DIS3L2: variants seen among roughly 807,000 people sequenced by gnomAD.
DIS3L2 encodes DIS3-like exonuclease 2.
A neutral mutation model predicts 97.5 loss-of-function variants in DIS3L2; 34 were observed. That is an observed-to-expected ratio of 0.35 (90% CI 0.27 to 0.46). The LOEUF is 0.46. Ranked by LOEUF, DIS3L2 falls within the 20% of genes least tolerant of loss-of-function variation. DIS3L2 has a pLI of 1.00. For missense variants in DIS3L2, 1,038 were observed against 1,146.0 expected, an observed-to-expected ratio of 0.91 and a Z score of 1.36; for synonymous variants, 435 against 445.2, an observed-to-expected ratio of 0.98 and a Z score of 0.29.
At chr2:232,077,953 T>TTCTC (rs370262610) in intron 5 of DIS3L2, among the ~76,000 whole-genome samples, 7 of 137,198 alleles carry the variant, frequency 5.1e-5, no homozygotes, top group Non-Finnish European at 1.1e-4. Context: ...TTTTCTTTCT[T>TTCTC]TCTCTTTCTT....
intron 9 of DIS3L2, among the ~76,000 whole-genome samples, chr2:232,194,229 A>G (rs1024553208): frequency 6.6e-6 from 1 of 152,138 alleles, no homozygotes. Flanking sequence ...ATAGATATAT[A>G]TGCTGCTTCT....
intron 5 of DIS3L2, among the ~76,000 whole-genome samples, chr2:232,064,899 G>A (rs1188425317): frequency 6.6e-6 from 1 of 152,046 alleles, no homozygotes; most frequent in Non-Finnish European, 1.5e-5. Flanking sequence ...TTAATGAATT[G>A]TAAGAGTTCT....
intron 1 of DIS3L2, among the ~76,000 whole-genome samples, chr2:231,982,307 A>G (rs1356988952): frequency 2.0e-5 from 3 of 152,326 alleles, no homozygotes; most frequent in Middle Eastern, 3.4e-3. Flanking sequence ...TCTAGAATAC[A>G]CTTACTTACA....
At chr2:232,115,201 T>C (rs948945951) in intron 6 of DIS3L2, among the ~76,000 whole-genome samples, 13 of 152,030 alleles carry the variant, frequency 8.6e-5, no homozygotes, top group Admixed American at 7.9e-4. Context: ...GGGACAAATA[T>C]TCAAACCATA....
intron 9 of DIS3L2, among the ~76,000 whole-genome samples, chr2:232,181,440 C>T (rs1691266057): frequency 6.6e-6 from 1 of 152,144 alleles, no homozygotes; most frequent in Non-Finnish European, 1.5e-5. Context: ...CCATCACTTT[C>T]AGAGTGACAC....
intron 5 of DIS3L2, among the ~76,000 whole-genome samples, chr2:232,064,519 G>A (rs1355871611): frequency 6.6e-6 from 1 of 152,164 alleles, no homozygotes; most frequent in East Asian, 1.9e-4. Context: ...ATCATCGTAA[G>A]AACATATGCT....
intron 9 of DIS3L2, among the ~76,000 whole-genome samples, chr2:232,206,344 G>A (rs1692025486): frequency 6.6e-6 from 1 of 152,110 alleles, no homozygotes; most frequent in East Asian, 1.9e-4. Flanking sequence ...TAAAACAGGG[G>A]TCAGCAAACT....
intron 14 of DIS3L2, among the ~76,000 whole-genome samples, chr2:232,324,506 C>T (rs183576095): frequency 6.6e-6 from 1 of 152,252 alleles, no homozygotes; most frequent in African/African-American, 2.4e-5. Context: ...TCCTGCCCCT[C>T]TGCCCCGGCT....
intron 14 of DIS3L2, 28 bp from the exon 15 acceptor site, chr2:232,329,785 T>TCCCCGGGGGGGG: frequency 9.9e-5 from 96 of 967,078 alleles, no homozygotes; most frequent in East Asian, 1.2e-4. Context: ...ACCCCAGCGG[T>TCCCCGGGGGGGG]CCCTCCCATC....
At position 232,298,826 on chromosome 2, in the gene DIS3L2, G is replaced by C. The variant is rs757257993; in HGVS notation, c.1660-1214G>C. On this transcript the variant is annotated intron_variant, in intron 13 of 20. Coordinates refer to ENST00000325385, the MANE Select transcript of DIS3L2 (RefSeq NM_152383.5). ...ATGTTAAAGCTGTCATAACCAACTGGCTCTAGCAGGGCATGCTGCACCTCC... is the reference window on the plus strand; with the variant it reads ...ATGTTAAAGCTGTCATAACCAACTGCCTCTAGCAGGGCATGCTGCACCTCC... 1.0e-3 allele frequency among the ~76,000 whole-genome samples: 157 copies of C among 152,198 alleles called. 4 individuals are homozygous for C. The highest frequency in any genetic ancestry group is 2.8e-4 in the Non-Finnish European group (19 of 68,030).
chr2:232,251,882 AT>A (rs1156455217), intron 12 of DIS3L2, among the ~76,000 whole-genome samples: 2 of 152,240 alleles, frequency 1.3e-5, no homozygotes, highest in Non-Finnish European at 2.9e-5. Context: ...TTCAACAAAA[AT>A]GTCCATCTCA....
chr2:232,310,653 A>AGT (rs1695100556), intron 14 of DIS3L2, among the ~76,000 whole-genome samples: 1 of 152,242 alleles, frequency 6.6e-6, no homozygotes, highest in Admixed American at 6.5e-5. Flanking sequence ...AGAGAGAGAG[A>AGT]AACAGATGCC....
chr2:232,048,995 C>A (rs1340505694), intron 5 of DIS3L2, among the ~76,000 whole-genome samples: 1 of 152,028 alleles, frequency 6.6e-6, no homozygotes, highest in Non-Finnish European at 1.5e-5. Context: ...TATATAGACA[C>A]ATAGTTTAGT....
At chr2:232,183,066 G>A (rs1691336323) in intron 9 of DIS3L2, among the ~76,000 whole-genome samples, 1 of 152,078 alleles carries the variant, frequency 6.6e-6, no homozygotes, top group African/African-American at 2.4e-5. Context: ...CGGGATTAGT[G>A]CCCTTATAAA....
chr2:232,185,441 G>A (rs182289475), intron 9 of DIS3L2, among the ~76,000 whole-genome samples: 13 of 152,240 alleles, frequency 8.5e-5, no homozygotes, highest in Admixed American at 6.5e-4. Context: ...GTGAGATGTC[G>A]CTAAAGCAGT....
At chr2:232,064,151 G>C (rs1207484254) in intron 5 of DIS3L2, among the ~76,000 whole-genome samples, 1 of 152,030 alleles carries the variant, frequency 6.6e-6, no homozygotes, top group Admixed American at 6.6e-5. Context: ...TTAAAATCTT[G>C]TGTAACCATC....
rs946273083 is a variant in DIS3L2, at chr2:232,281,064, A to G, written c.1659+17624A>G. 6.6e-6 allele frequency among the ~76,000 whole-genome samples: 1 copy of G among 152,162 alleles called. No homozygotes were observed. The highest frequency in any genetic ancestry group is 6.5e-5 in the Admixed American group (1 of 15,282). The stretch of plus-strand genomic sequence containing the variant: ...GGTGGTGGGAAATGTTGGGGATGTA[A>G]CCAGGGCTGATCTGGAGGAACTTGT... On this transcript the variant is annotated intron_variant, in intron 13 of 20. Transcript: ENST00000325385. This position sits in a 1 kb window ranked among gnomAD's most constrained non-coding sequence, Gnocchi z 4.1.
rs1411361709 is a variant in DIS3L2 at position 232,096,924 on chromosome 2, G to T, written c.601+9203G>T. On this transcript the variant is annotated intron_variant, in intron 6 of 20. Coordinates refer to ENST00000325385, the MANE Select transcript of DIS3L2 (RefSeq NM_152383.5). The stretch of plus-strand genomic sequence containing the variant: ...TCTGTTTCTTCAGGATTGGTCCTTG[G>T]TGCCTTAGTTTGTTTGGTGAGGTTA... Among the ~76,000 whole-genome samples the T allele has an allele frequency of 3.3e-5, 5 of 152,080 alleles. No individual in the cohort carries two copies. In the East Asian group the frequency reaches 9.6e-4, roughly 29 times the overall value.
chr2:232,137,164 G>A (rs1006446821), intron 8 of DIS3L2, among the ~76,000 whole-genome samples: 2 of 152,060 alleles, frequency 1.3e-5, no homozygotes, highest in African/African-American at 2.4e-5. Context: ...ATTCTTTTTC[G>A]GTATTGATTT....
Sources: allele counts gnomAD v4.1 joint callset (sites outside exome capture counted in the v4.1 genomes callset), GRCh38; gene constraint gnomAD v4.1.1; non-coding constraint Gnocchi (gnomAD v3.1); transcripts MANE v1.5; gene names NCBI Gene and HGNC (gene_info 2026-07-23, HGNC 2026-07-21).